TRPM3: variants seen among roughly 807,000 people sequenced by gnomAD.
TRPM3 encodes the protein transient receptor potential cation channel subfamily M member 3, also known as long transient receptor potential channel 3.
TRPM3 carries 77 observed loss-of-function variants against 181.2 expected under a neutral mutation model. The ratio of observed to expected loss-of-function variants is 0.42; its 90% CI spans 0.35 to 0.51. The LOEUF is 0.51. Ranked by LOEUF, TRPM3 falls within the 20% of genes least tolerant of loss-of-function variation. The pLI is 0.01. For synonymous variants in TRPM3, 745 were observed against 796.4 expected, an observed-to-expected ratio of 0.94 and a Z score of 1.09; for missense variants, 1,759 against 2,196.7, an observed-to-expected ratio of 0.80 and a Z score of 3.98.
intron 1 of TRPM3, among the ~76,000 whole-genome samples, chr9:71,396,200 C>A (rs1285774907): frequency 1.3e-5 from 2 of 151,616 alleles, no homozygotes; most frequent in Non-Finnish European, 2.9e-5. Context: ...TTGACAGATA[C>A]GTATTTTTCA....
chr9:71,064,066 AG>A (rs1187911190), intron 1 of TRPM3, among the ~76,000 whole-genome samples: 1 of 152,162 alleles, frequency 6.6e-6, no homozygotes, highest in East Asian at 1.9e-4. Flanking sequence ...TTCCCATTAA[AG>A]AAGTTTCTAA....
chr9:71,215,037 A>AAAC (rs2079763003), intron 1 of TRPM3, among the ~76,000 whole-genome samples: 1 of 35,040 alleles, frequency 2.9e-5, no homozygotes. Context: ...AAAAAACAAA[A>AAAC]AAAAAAAAAC....
At chr9:71,379,561 A>C (rs1178570406) in intron 1 of TRPM3, among the ~76,000 whole-genome samples, 1 of 151,986 alleles carries the variant, frequency 6.6e-6, no homozygotes, top group Non-Finnish European at 1.5e-5. Context: ...AGAGGTTTTT[A>C]AGAATACCTA....
chr9:71,026,913 G>T (rs762944351), intron 1 of TRPM3, among the ~76,000 whole-genome samples: 3 of 152,172 alleles, frequency 2.0e-5, no homozygotes, highest in Non-Finnish European at 4.4e-5. Flanking sequence ...GATGCTGCAT[G>T]GTGGCTGGGG....
intron 1 of TRPM3, among the ~76,000 whole-genome samples, chr9:71,069,608 CTTTTTTT>C (rs71367252): frequency 2.1e-4 from 26 of 126,658 alleles, no homozygotes; most frequent in Admixed American, 1.4e-3. Flanking sequence ...TTCCTTTTTT[CTTTTTTT>C]TTTTTTTTTT....
intron 19 of TRPM3, among the ~76,000 whole-genome samples, chr9:70,609,622 C>T (rs1004013091): frequency 3.3e-5 from 5 of 152,200 alleles, no homozygotes; most frequent in Admixed American, 2.0e-4. Context: ...GACAGCCCCC[C>T]ACAATGAAGA....
chr9:71,151,897 T>C (rs1287272388), intron 1 of TRPM3, among the ~76,000 whole-genome samples: 1 of 152,136 alleles, frequency 6.6e-6, no homozygotes, highest in Non-Finnish European at 1.5e-5. Context: ...AGCTCTCATG[T>C]GAAGGTTCTG....
At chr9:70,849,693 G>A (rs942549189) in intron 3 of TRPM3, among the ~76,000 whole-genome samples, 7 of 152,140 alleles carry the variant, frequency 4.6e-5, no homozygotes, top group African/African-American at 1.7e-4. Flanking sequence ...CCTATGTTGT[G>A]TGGGAAAGAA....
intron 1 of TRPM3, among the ~76,000 whole-genome samples, chr9:70,892,362 G>T (rs1018601878): frequency 6.6e-6 from 1 of 151,966 alleles, no homozygotes; most frequent in Non-Finnish European, 1.5e-5. Context: ...TAGAAATAGG[G>T]TGATTACTCT....
At chr9:71,303,229 A>G (rs1468806185) in intron 1 of TRPM3, among the ~76,000 whole-genome samples, 1 of 152,222 alleles carries the variant, frequency 6.6e-6, no homozygotes, top group Non-Finnish European at 1.5e-5. Context: ...TAAAAAACCT[A>G]AACTGTGTAA....
chr9:71,074,194 T>C (rs2063143724), intron 1 of TRPM3, among the ~76,000 whole-genome samples: 1 of 152,196 alleles, frequency 6.6e-6, no homozygotes, highest in Non-Finnish European at 1.5e-5. Context: ...ATTTAAATTA[T>C]TGTCCAAATA....
chr9:71,237,958 A>G (rs1458707913), intron 1 of TRPM3, among the ~76,000 whole-genome samples: 1 of 152,188 alleles, frequency 6.6e-6, no homozygotes, highest in Non-Finnish European at 1.5e-5. Context: ...TAAAGGCCCT[A>G]CATCTTAATA....
At chr9:71,384,036 C>T (rs1469513733) in intron 1 of TRPM3, among the ~76,000 whole-genome samples, 2 of 152,182 alleles carry the variant, frequency 1.3e-5, no homozygotes, top group Admixed American at 6.5e-5. Context: ...ACTATTCTTC[C>T]ATTCCATGAC....
At chr9:71,043,179 A>G (rs997513564) in intron 1 of TRPM3, among the ~76,000 whole-genome samples, 32 of 152,320 alleles carry the variant, frequency 2.1e-4, no homozygotes, top group Admixed American at 9.1e-4. Flanking sequence ...GCTGTCTGAC[A>G]TATTCTCTCT....
chr9:70,685,446 C>T (rs553525145), intron 8 of TRPM3, among the ~76,000 whole-genome samples: 2 of 152,254 alleles, frequency 1.3e-5, no homozygotes, highest in Non-Finnish European at 1.5e-5. Flanking sequence ...CACTCTGTTG[C>T]CCAGGCTGGA....
chr9:71,148,631 A>T (rs1250491108), intron 1 of TRPM3, among the ~76,000 whole-genome samples: 1 of 152,164 alleles, frequency 6.6e-6, no homozygotes, highest in Non-Finnish European at 1.5e-5. Flanking sequence ...AGAATTTTAT[A>T]CCCAGCCAAG....
At chr9:70,989,530 C>T (rs1381874987) in intron 1 of TRPM3, among the ~76,000 whole-genome samples, 3 of 152,180 alleles carry the variant, frequency 2.0e-5, no homozygotes, top group Admixed American at 2.0e-4. Context: ...TCCCTTATTA[C>T]TGTTGTTGAC....
intron 1 of TRPM3, among the ~76,000 whole-genome samples, chr9:70,999,875 G>A (rs568903087): frequency 6.6e-6 from 1 of 152,316 alleles, no homozygotes; most frequent in African/African-American, 2.4e-5. Context: ...TCCACAGTGT[G>A]TTTAGCAGAA....
intron 1 of TRPM3, among the ~76,000 whole-genome samples, chr9:71,059,384 A>G (rs2061047358): frequency 6.6e-6 from 1 of 151,826 alleles, no homozygotes; most frequent in Admixed American, 6.6e-5. Context: ...ACATATTCAA[A>G]CTAGTTTCTA....
Sources: allele counts gnomAD v4.1 joint callset (sites outside exome capture counted in the v4.1 genomes callset), GRCh38; gene constraint gnomAD v4.1.1; transcripts MANE v1.5; gene names NCBI Gene and HGNC (gene_info 2026-07-23, HGNC 2026-07-21).